TPST2: variants seen among roughly 807,000 people sequenced by gnomAD.
TPST2 encodes the protein protein-tyrosine sulfotransferase 2.
Under a neutral mutation model 27.8 loss-of-function variants are expected in TPST2, and 16 were observed. The observed-to-expected ratio is 0.58, with a 90% CI of 0.39 to 0.88. The LOEUF (loss-of-function observed/expected upper bound fraction) is 0.88, where lower values mean the gene tolerates loss of function less well. Ranked by LOEUF, TPST2 falls within the 40% of genes least tolerant of loss-of-function variation. The pLI is 0.00. For missense variants in TPST2, 464 were observed against 543.1 expected, an observed-to-expected ratio of 0.85 and a Z score of 1.45; for synonymous variants, 229 against 231.7, an observed-to-expected ratio of 0.99 and a Z score of 0.10.
intron 1 of TPST2, among the ~76,000 whole-genome samples, chr22:26,573,389 G>A (rs200776308): frequency 2.6e-5 from 4 of 152,322 alleles, no homozygotes; most frequent in South Asian, 2.1e-4. Flanking sequence ...CACTGACTCC[G>A]ACTTCCGCCC....
chr22:26,541,244 C>A lies in TPST2; in HGVS notation c.387G>T (p.Thr129=). The A allele has an allele frequency of 1.3e-6, 2 of 1,549,502 alleles. No individual in the cohort carries two copies. Residue 129 remains threonine, a synonymous_variant, in exon 3 of 7, where the codon ACG becomes ACT. Coordinates refer to ENST00000338754, the MANE Select transcript of TPST2 (RefSeq NM_003595.5). The surrounding 1 kb of genome is among the most constrained non-coding windows in gnomAD (Gnocchi z 5.9). The stretch of plus-strand genomic sequence containing the variant: ...GCATGGCGGCGTCCAGCACCTCATC[C>A]GTCACCCCCGCCTCATCCAGCCGCA... The part of the protein sequence containing the change: ...EKLRLDEAGV[T]DEVLDAAMQA...
chr22:26,523,691 TCTC>T lies in TPST2; in HGVS notation c.*2581_*2583del, dbSNP rs1218677055. 6.6e-6 allele frequency: 1 copy of T among 152,190 alleles called. No homozygotes were observed. The highest frequency in any genetic ancestry group is 1.5e-5 in the Non-Finnish European group (1 of 68,070). The allele number at this position is 152,190 out of a possible 1,614,324, so 9.4% of individuals were successfully genotyped here. On this transcript the variant is annotated 3_prime_UTR_variant, in exon 7 of 7. Coordinates refer to ENST00000338754, the MANE Select transcript of TPST2 (RefSeq NM_003595.5). ...CCTCTGCCTCCTGGGTTCAAGCAAT[TCTC>T]CTGCCTCAGCCTCCCAAGTAGCTGC...
intron 1 of TPST2, among the ~76,000 whole-genome samples, chr22:26,580,719 G>A (rs1321529519): frequency 2.6e-5 from 4 of 152,040 alleles, no homozygotes; most frequent in African/African-American, 4.8e-5. Flanking sequence ...AGAGACGGCC[G>A]CCAGCCTAAG....
chr22:26,550,963 C>T (rs925128039), intron 1 of TPST2, among the ~76,000 whole-genome samples: 3 of 152,220 alleles, frequency 2.0e-5, no homozygotes, highest in African/African-American at 7.2e-5. Flanking sequence ...GGCAGGGAGG[C>T]TGGCATGCAG....
rs1224216088 is a variant in TPST2, at chr22:26,540,985, T to C, written c.646A>G (p.Lys216Glu). 2 of 1,614,080 alleles carry C rather than the reference T, an allele frequency of 1.2e-6. No individual in the cohort carries two copies. Among genetic ancestry groups the C allele is most frequent in the Admixed American group, 3.3e-5 (2 of 60,008 alleles). Residue 216 changes from lysine (K) to glutamate (E), a missense_variant, in exon 3 of 7, where the codon AAG (lysine) becomes GAG (glutamate). Lys to Glu is a moderately conservative substitution (Grantham distance 56). Transcript: ENST00000338754. ...TGGGCGTACATCACCTCGATGGCCT[T>C]GTTCCACTTGGTGAGGCAGTCACGG... ...SYRDCLTKWN[K>E]AIEVMYAQCM...
intron 1 of TPST2, among the ~76,000 whole-genome samples, chr22:26,548,791 A>G (rs538180410): frequency 2.2e-5 from 3 of 133,466 alleles, no homozygotes; most frequent in South Asian, 2.4e-4. Context: ...GTGAGACCCC[A>G]TCACTACAAA....
At chr22:26,581,275 T>C (rs1423156270) in intron 1 of TPST2, among the ~76,000 whole-genome samples, 1 of 152,114 alleles carries the variant, frequency 6.6e-6, no homozygotes, top group Non-Finnish European at 1.5e-5. Context: ...TCCCCCAAGG[T>C]GCTTAGCATC....
rs749416669 is a variant in TPST2 at position 26,524,909 on chromosome 22, C to T, written c.*1366G>A. The T allele has an allele frequency of 6.6e-5, 10 of 152,140 alleles. No homozygotes were observed. Among genetic ancestry groups the T allele is most frequent in the Admixed American group, 1.3e-4 (2 of 15,266 alleles). The allele number at this position is 152,140 out of a possible 1,614,324, so 9.4% of individuals were successfully genotyped here. A position where few individuals can be genotyped will look rare whatever the true frequency, so the allele number is the denominator to read the frequency against. On this transcript the variant is annotated 3_prime_UTR_variant, in exon 7 of 7. Coordinates refer to ENST00000338754, the MANE Select transcript of TPST2 (RefSeq NM_003595.5). ...TAGGGGTGTCTTTGTATACCTCAGG[C>T]CTTGGGCCATACCAGGCCAGATAGT...
chr22:26,557,577 G>A (rs1238361862), intron 1 of TPST2, among the ~76,000 whole-genome samples: 1 of 152,022 alleles, frequency 6.6e-6, no homozygotes, highest in Admixed American at 6.6e-5. Flanking sequence ...ACTGTGCCAG[G>A]CTTTGAATGC....
At chr22:26,548,552 GAGAA>G (rs1283757436) in intron 1 of TPST2, among the ~76,000 whole-genome samples, 1 of 141,784 alleles carries the variant, frequency 7.1e-6, no homozygotes, top group East Asian at 2.0e-4. Flanking sequence ...AAAGAAAAAA[GAGAA>G]AGAGAGAAGA....
intron 6 of TPST2, among the ~76,000 whole-genome samples, chr22:26,527,888 CA>C (rs1430314318): frequency 1.3e-5 from 2 of 152,172 alleles, no homozygotes; most frequent in Non-Finnish European, 2.9e-5. Context: ...GCATTCTGTG[CA>C]AAAATGGTTC....
At chr22:26,535,757 G>A (rs1925419209) in intron 4 of TPST2, 1 of 300,388 alleles carries the variant, frequency 3.3e-6, no homozygotes, top group Admixed American at 4.7e-5. Context: ...TTGGGCAACA[G>A]AGCAAGACCA....
intron 1 of TPST2, among the ~76,000 whole-genome samples, chr22:26,549,205 G>A (rs1183682746): frequency 2.0e-5 from 3 of 152,176 alleles, no homozygotes; most frequent in African/African-American, 7.2e-5. Context: ...ATCCTTGTAT[G>A]GTGGAGATTT....
intron 5 of TPST2, among the ~76,000 whole-genome samples, chr22:26,529,011 A>C (rs1397557642): frequency 4.1e-5 from 6 of 146,420 alleles, no homozygotes; most frequent in South Asian, 2.2e-4. Context: ...CAAAAAAAAA[A>C]CAAAACGTAT....
chr22:26,575,800 C>A (rs1487564613), intron 1 of TPST2, among the ~76,000 whole-genome samples: 1 of 152,142 alleles, frequency 6.6e-6, no homozygotes, highest in Non-Finnish European at 1.5e-5. Context: ...TCCAGACCAG[C>A]CTGACCACCA....
intron 4 of TPST2, among the ~76,000 whole-genome samples, chr22:26,533,140 C>T (rs916889992): frequency 1.1e-4 from 16 of 152,256 alleles, no homozygotes; most frequent in African/African-American, 2.6e-4. Context: ...TTGGGCCAGG[C>T]GCAGTGACTC....
intron 1 of TPST2, among the ~76,000 whole-genome samples, chr22:26,554,658 A>G (rs138511994): frequency 6.6e-6 from 1 of 152,308 alleles, no homozygotes; most frequent in African/African-American, 2.4e-5. Context: ...CTAAATAAAT[A>G]AACTTGCAGT....
At chr22:26,579,985 C>T (rs1928032387) in intron 1 of TPST2, among the ~76,000 whole-genome samples, 5 of 152,096 alleles carry the variant, frequency 3.3e-5, no homozygotes, top group Admixed American at 6.6e-5. Context: ...AGGCTTACGT[C>T]TGTAATCCCA....
At chr22:26,546,373 G>A (rs2147196627) in intron 1 of TPST2, among the ~76,000 whole-genome samples, 1 of 152,358 alleles carries the variant, frequency 6.6e-6, no homozygotes, top group East Asian at 1.9e-4. Context: ...GGTCAATGAT[G>A]TGAGGCCTGC....
Sources: allele counts gnomAD v4.1 joint callset (sites outside exome capture counted in the v4.1 genomes callset), GRCh38; gene constraint gnomAD v4.1.1; non-coding constraint Gnocchi (gnomAD v3.1); transcripts MANE v1.5; gene names NCBI Gene and HGNC (gene_info 2026-07-23, HGNC 2026-07-21).